Variants in RIC1 observed in about 807,000 individuals in gnomAD.
RIC1 encodes the protein guanine nucleotide exchange factor subunit RIC1.
A neutral mutation model predicts 169.0 loss-of-function variants in RIC1; 88 were observed. The observed-to-expected ratio is 0.52, with a 90% confidence interval of 0.44 to 0.62. The LOEUF (loss-of-function observed/expected upper bound fraction) is 0.62. Ranked by LOEUF, RIC1 falls within the 20% of genes least tolerant of loss-of-function variation. RIC1 has a pLI of 0.00. For missense variants in RIC1, 1,877 were observed against 1,725.5 expected, an observed-to-expected ratio of 1.09 and a Z score of -1.56; for synonymous variants, 790 against 601.5, an observed-to-expected ratio of 1.31 and a Z score of -4.59.
intron 2 of RIC1, among the ~76,000 whole-genome samples, chr9:5,662,076 C>G (rs565930296): frequency 1.8e-4 from 27 of 152,306 alleles, no homozygotes; most frequent in African/African-American, 6.3e-4. Context: ...TTTTCCGCAT[C>G]TATTGAGATA....
intron 1 of RIC1, among the ~76,000 whole-genome samples, chr9:5,651,178 C>G (rs969513319): frequency 6.6e-6 from 1 of 152,138 alleles, no homozygotes; most frequent in African/African-American, 2.4e-5. Flanking sequence ...TGCTGGGTAT[C>G]TCTCATTTAC....
rs576799607 is a variant in RIC1 at position 5,762,671 on chromosome 9, T to C, written c.2112+11T>C. 6.2e-7 allele frequency: 1 copy of C among 1,611,790 alleles called. No individual in the cohort carries two copies. Among genetic ancestry groups the C allele is most frequent in the African/African-American group, 1.3e-5 (1 of 74,882 alleles). ...AACCAAAGGAAACTTGTGAGTAAAG[T>C]ACTAGTCATTTCTTTTCAAACATTA... On this transcript the variant is annotated intron_variant, in intron 18 of 25. Coordinates refer to ENST00000414202, the MANE Select transcript of RIC1 (RefSeq NM_020829.4).
At position 5,738,502 on chromosome 9, in the gene RIC1, T is replaced by A; in HGVS notation, c.865T>A (p.Ser289Thr). 3 of 1,604,220 alleles carry A rather than the reference T, an allele frequency of 1.9e-6. No individual in the cohort carries two copies. The highest frequency in any genetic ancestry group is 2.6e-6 in the Non-Finnish European group (3 of 1,175,754). Residue 289 changes from serine to threonine, a missense_variant, in exon 8 of 26, where the codon TCT (serine) becomes ACT (threonine). Physicochemically the swap from Ser to Thr is moderately conservative, Grantham distance 58 (BLOSUM62 1). This residue lies in a region of RIC1 where 1,104 missense variants were observed against 992.0 expected (regional missense o/e 1.11). Coordinates refer to ENST00000414202, the MANE Select transcript of RIC1 (RefSeq NM_020829.4). Reference sequence around the variant, plus strand: ...TAACAGCACTGGAGCCATGCTGCTATCTCATAAATTAGAGCTAACAGCAAA... The same window carrying A: ...TAACAGCACTGGAGCCATGCTGCTAACTCATAAATTAGAGCTAACAGCAAA... Reference protein sequence around the residue: ...IDNSTGAMLLSHKLELTAKQY... With the variant: ...IDNSTGAMLLTHKLELTAKQY...
intron 23 of RIC1, among the ~76,000 whole-genome samples, chr9:5,772,338 A>G (rs1827279610): frequency 2.0e-5 from 3 of 152,200 alleles, no homozygotes; most frequent in East Asian, 1.9e-4. Flanking sequence ...AGACTGCTTC[A>G]TAGGTGGTGG....
downstream of RIC1, among the ~76,000 whole-genome samples, chr9:5,777,105 T>G (rs1827631228): frequency 6.6e-6 from 1 of 152,166 alleles, no homozygotes; most frequent in South Asian, 2.1e-4. Flanking sequence ...TTCATTTACC[T>G]AATGGTTAAT....
At chr9:5,733,542 C>T (rs142675389) in intron 7 of RIC1, among the ~76,000 whole-genome samples, 4,680 of 152,010 alleles carry the variant, frequency 0.031, 106 homozygotes, top group Middle Eastern at 0.099. Context: ...GGATTACAGG[C>T]GTGAGCCACC....
At chr9:5,739,292 C>T (rs542924128) in intron 8 of RIC1, among the ~76,000 whole-genome samples, 7 of 152,128 alleles carry the variant, frequency 4.6e-5, no homozygotes, top group African/African-American at 1.4e-4. Flanking sequence ...GCTAACCACG[C>T]AAATCAACTA....
At chr9:5,737,182 G>A (rs1024402794) in intron 7 of RIC1, among the ~76,000 whole-genome samples, 15 of 152,124 alleles carry the variant, frequency 9.9e-5, no homozygotes, top group African/African-American at 3.6e-4. Context: ...TATACCATGA[G>A]CAGAAATGAG....
At chr9:5,696,828 T>A (rs2130749465) in intron 3 of RIC1, among the ~76,000 whole-genome samples, 1 of 152,354 alleles carries the variant, frequency 6.6e-6, no homozygotes, top group East Asian at 1.9e-4. Context: ...CCTTTTCCTT[T>A]AAAGAGTATT....
chr9:5,737,890 G>A (rs1341492365), intron 7 of RIC1, among the ~76,000 whole-genome samples: 1 of 151,976 alleles, frequency 6.6e-6, no homozygotes, highest in East Asian at 1.9e-4. Context: ...TATTGATTAA[G>A]TGGAAGTGGA....
chr9:5,690,886 G>A (rs1023625895), intron 3 of RIC1, among the ~76,000 whole-genome samples: 2 of 151,670 alleles, frequency 1.3e-5, no homozygotes, highest in African/African-American at 4.8e-5. Flanking sequence ...AGGAAATACT[G>A]TAACTAACAA....
In RIC1 at chr9:5,763,655, G is replaced by A; in HGVS notation, c.2628G>A (p.Arg876=). 1 of 1,614,126 alleles carries A rather than the reference G, an allele frequency of 6.2e-7. No homozygotes were observed. The highest frequency in any genetic ancestry group is 8.5e-7 in the Non-Finnish European group (1 of 1,180,026). ...HEVLEEEATS[R]EPIPDPLLPT... is the part of the protein sequence containing the mutation. ...TACTGGAAGAAGAAGCTACCTCACG[G>A]GAGCCCATTCCCGACCCTCTGCTTC... Residue 876 remains arginine (R), a synonymous_variant, in exon 19 of 26, where the codon CGG becomes CGA. Coordinates refer to ENST00000414202, the MANE Select transcript of RIC1 (RefSeq NM_020829.4). This position sits in a 1 kb window ranked among gnomAD's most constrained non-coding sequence, Gnocchi z 5.2.
At chr9:5,768,582 A>T (rs1826961762) in intron 21 of RIC1, among the ~76,000 whole-genome samples, 1 of 152,200 alleles carries the variant, frequency 6.6e-6, no homozygotes, top group African/African-American at 2.4e-5. Flanking sequence ...TCACACTGAG[A>T]AATTTAATTT....
chr9:5,769,972 G>T, intron 22 of RIC1, 115 bp from the exon 23 acceptor site: 1 of 896,230 alleles, frequency 1.1e-6, no homozygotes, highest in Non-Finnish European at 1.7e-6. Flanking sequence ...AATTGCCTTT[G>T]AACTGTTCTT....
chr9:5,645,916 G>C (rs562914572), intron 1 of RIC1, among the ~76,000 whole-genome samples: 11 of 150,584 alleles, frequency 7.3e-5, no homozygotes, highest in African/African-American at 2.7e-4. Context: ...ATACCCAGAA[G>C]TGGACCTGCT....
chr9:5,734,749 T>C (rs371385201), intron 7 of RIC1, among the ~76,000 whole-genome samples: 8 of 152,190 alleles, frequency 5.3e-5, no homozygotes, highest in Admixed American at 4.6e-4. Flanking sequence ...CTGGTCAACA[T>C]TGTGAGATTC....
intron 7 of RIC1, among the ~76,000 whole-genome samples, chr9:5,734,830 T>C (rs1215568992): frequency 6.6e-6 from 1 of 152,204 alleles, no homozygotes; most frequent in African/African-American, 2.4e-5. Context: ...ATTGTCTGAA[T>C]ATAGCATAAT....
chr9:5,676,880 G>A (rs1318941610), intron 2 of RIC1, among the ~76,000 whole-genome samples: 2 of 152,184 alleles, frequency 1.3e-5, no homozygotes, highest in Non-Finnish European at 2.9e-5. Context: ...AATTCATTAT[G>A]AGTATTAGTT....
intron 3 of RIC1, among the ~76,000 whole-genome samples, chr9:5,691,516 ATATT>A (rs1017820645): frequency 1.3e-5 from 2 of 152,014 alleles, no homozygotes; most frequent in African/African-American, 4.8e-5. Context: ...TTCAATAAAA[ATATT>A]TAGTGCAAAA....
Sources: gnomAD v4.1 joint callset for allele counts (sites outside exome capture counted in the v4.1 genomes callset) on GRCh38, gnomAD v4.1.1 for gene constraint, gnomAD v4.1.1 regional missense constraint, Gnocchi (gnomAD v3.1) non-coding constraint, MANE v1.5 for transcripts, NCBI Gene and HGNC (gene_info 2026-07-23, HGNC 2026-07-21) for gene names.